XIRP2: variants seen among roughly 807,000 people sequenced by gnomAD.
XIRP2 encodes xin actin binding repeat containing 2.
In XIRP2, 236 loss-of-function variants were observed where a neutral mutation model predicts 277.0. The observed-to-expected ratio is 0.85, with a 90% CI of 0.77 to 0.95. The LOEUF (loss-of-function observed/expected upper bound fraction) is 0.95. Among genes scored for constraint, XIRP2 ranks in the 40% least tolerant of loss-of-function variants. XIRP2 has a pLI of 0.00. For synonymous variants in XIRP2, 1,490 were observed against 1,416.5 expected (o/e 1.05, Z -1.17); for missense variants, 4,640 against 4,157.5 (o/e 1.12, Z -3.19).
At chr2:167,194,403 C>A (rs1693440849) in intron 3 of XIRP2, among the ~76,000 whole-genome samples, 2 of 152,112 alleles carry the variant, frequency 1.3e-5, no homozygotes, top group East Asian at 1.9e-4. Context: ...TTGATCAATC[C>A]TTAAAATTAG....
chr2:166,994,801 A>G (rs938029796), intron 2 of XIRP2, among the ~76,000 whole-genome samples: 8 of 151,718 alleles, frequency 5.3e-5, no homozygotes, highest in Non-Finnish European at 1.2e-4. Context: ...GTAAATGATG[A>G]TGTCATTAGG....
chr2:166,910,114 A>G (rs1461375288), intron 2 of XIRP2, among the ~76,000 whole-genome samples: 2 of 152,158 alleles, frequency 1.3e-5, no homozygotes, highest in Non-Finnish European at 2.9e-5. Context: ...TATCGCGATG[A>G]TGCTGGCCTC....
At chr2:166,889,327 C>T (rs1012169511) in intron 1 of XIRP2, among the ~76,000 whole-genome samples, 7 of 152,180 alleles carry the variant, frequency 4.6e-5, no homozygotes, top group African/African-American at 1.7e-4. Flanking sequence ...TCTCCCCACT[C>T]GCCCCCAGAC....
chr2:166,957,858 A>G (rs1031421095), intron 2 of XIRP2, among the ~76,000 whole-genome samples: 5 of 151,836 alleles, frequency 3.3e-5, no homozygotes, highest in African/African-American at 1.2e-4. Flanking sequence ...ATAAGACATG[A>G]CTGCACTGTA....
At chr2:166,951,606 T>G (rs761924215) in intron 2 of XIRP2, among the ~76,000 whole-genome samples, 8 of 152,048 alleles carry the variant, frequency 5.3e-5, no homozygotes, top group Non-Finnish European at 1.2e-4. Flanking sequence ...GCAATCTGTA[T>G]GTGTCATGCA....
intron 2 of XIRP2, among the ~76,000 whole-genome samples, chr2:167,037,111 G>T (rs144356830): frequency 6.6e-6 from 1 of 152,248 alleles, no homozygotes; most frequent in African/African-American, 2.4e-5. Context: ...AATAGCTGGA[G>T]ACTTCAGCAC....
intron 2 of XIRP2, among the ~76,000 whole-genome samples, chr2:166,976,788 T>C (rs1373873235): frequency 2.0e-5 from 3 of 152,182 alleles, no homozygotes; most frequent in Non-Finnish European, 4.4e-5. Context: ...GGATAATCTA[T>C]ACATACCCAC....
chr2:167,139,939 G>C (rs1162587389), intron 3 of XIRP2, among the ~76,000 whole-genome samples: 2 of 152,150 alleles, frequency 1.3e-5, no homozygotes, highest in Non-Finnish European at 2.9e-5. Flanking sequence ...TTCGTCCAAT[G>C]AGCTGTCTAC....
At position 167,249,494 on chromosome 2, in the gene XIRP2, G is replaced by C; in HGVS notation, c.8102G>C (p.Ser2701Thr). 6.2e-7 allele frequency: 1 copy of C among 1,613,666 alleles called. No individual in the cohort carries two copies. The highest frequency in any genetic ancestry group is 8.5e-7 in the Non-Finnish European group (1 of 1,179,796). The change falls in exon 9 of 11, where the codon AGC (serine) becomes ACC (threonine). Residue 2701 changes from serine (S) to threonine (T), a missense_variant. Transcript: ENST00000409195. ...TTGGAGCAGTTGCACTTGCCCCAAA[G>C]CAAACCAATTTCCCCAAATTTCAAA... ...KYLEQLHLPQ[S>T]KPISPNFKVK...
At chr2:167,166,602 A>G (rs971147286) in intron 3 of XIRP2, among the ~76,000 whole-genome samples, 15 of 152,190 alleles carry the variant, frequency 9.9e-5, no homozygotes, top group African/African-American at 3.4e-4. Flanking sequence ...GGCACTTACA[A>G]TCATGGCAGA....
At chr2:167,158,540 C>T (rs937591767) in intron 3 of XIRP2, among the ~76,000 whole-genome samples, 1 of 152,164 alleles carries the variant, frequency 6.6e-6, no homozygotes, top group South Asian at 2.1e-4. Flanking sequence ...ATAGAAATGG[C>T]TCCATCTTCA....
intron 10 of XIRP2, among the ~76,000 whole-genome samples, chr2:167,254,775 T>G (rs1695612933): frequency 6.6e-6 from 1 of 151,818 alleles, no homozygotes; most frequent in Non-Finnish European, 1.5e-5. Flanking sequence ...AAAAACTCTG[T>G]TTTTTCTCTG....
intron 2 of XIRP2, among the ~76,000 whole-genome samples, chr2:167,090,018 T>C (rs1690094197): frequency 6.6e-6 from 1 of 152,110 alleles, no homozygotes; most frequent in African/African-American, 2.4e-5. Flanking sequence ...AGATTAAAAG[T>C]TTAACTTATC....
At chr2:166,897,781 T>G (rs995800283) in intron 1 of XIRP2, among the ~76,000 whole-genome samples, 13 of 151,988 alleles carry the variant, frequency 8.6e-5, no homozygotes, top group African/African-American at 2.9e-4. Flanking sequence ...ATAGACCACC[T>G]TTCAGAGGCA....
intron 2 of XIRP2, among the ~76,000 whole-genome samples, chr2:166,941,717 T>C (rs370148230): frequency 6.6e-6 from 1 of 152,238 alleles, no homozygotes; most frequent in African/African-American, 2.4e-5. Flanking sequence ...CATATGTTTC[T>C]TCTATCCAAC....
intron 2 of XIRP2, among the ~76,000 whole-genome samples, chr2:167,015,335 G>A (rs918758637): frequency 1.3e-5 from 2 of 151,726 alleles, no homozygotes; most frequent in Non-Finnish European, 2.9e-5. Flanking sequence ...ATATTCTAAA[G>A]TCAGCCTTTT....
intron 3 of XIRP2, among the ~76,000 whole-genome samples, chr2:167,178,226 A>T (rs1468996929): frequency 1.3e-5 from 2 of 152,138 alleles, no homozygotes; most frequent in Non-Finnish European, 2.9e-5. Context: ...TCAGTTACCT[A>T]TATTAAAAAG....
rs369448394 is a variant in XIRP2 at position 167,249,550 on chromosome 2, C to T, written c.8158C>T (p.His2720Tyr). 3.2e-5 allele frequency: 52 copies of T among 1,613,468 alleles called. No individual in the cohort carries two copies. The highest frequency in any genetic ancestry group is 1.6e-4 in the Middle Eastern group (1 of 6,074). The part of the protein sequence containing the change: ...VKTIKLPTLD[H>Y]TLNETDHSYE... ...AACCATCAAACTTCCAACTCTAGAT[C>T]ATACATTAAATGAAACAGACCACAG... The change falls in exon 9 of 11, where the codon CAT becomes TAT. Residue 2720 changes from histidine (H) to tyrosine (Y), a missense_variant. Physicochemically the swap from His to Tyr is moderately conservative, Grantham distance 83. Coordinates refer to ENST00000409195, the MANE Select transcript of XIRP2 (RefSeq NM_152381.6).
At chr2:166,997,233 C>T (rs1486272431) in intron 2 of XIRP2, among the ~76,000 whole-genome samples, 1 of 152,138 alleles carries the variant, frequency 6.6e-6, no homozygotes, top group Non-Finnish European at 1.5e-5. Flanking sequence ...TTCTTTACTA[C>T]ATTCTTAACC....
Sources: gnomAD v4.1 joint callset for allele counts (sites outside exome capture counted in the v4.1 genomes callset) on GRCh38, gnomAD v4.1.1 for gene constraint, MANE v1.5 for transcripts, NCBI Gene and HGNC (gene_info 2026-07-23, HGNC 2026-07-21) for gene names.